BMPR1B: variants seen among roughly 807,000 people sequenced by gnomAD.
BMPR1B encodes bone morphogenetic protein receptor type 1B.
BMPR1B carries 12 observed loss-of-function variants against 59.1 expected under a neutral mutation model. The observed-to-expected ratio is 0.20, with a 90% CI of 0.13 to 0.33. The LOEUF is 0.33. Among genes scored for constraint, BMPR1B ranks in the 10% least tolerant of loss-of-function variants. The pLI is 1.00. For synonymous variants in BMPR1B, 237 were observed against 207.3 expected (o/e 1.14, Z -1.23); for missense variants, 550 against 610.9 (o/e 0.90, Z 1.05).
rs371268875 is a variant in BMPR1B, at chr4:94,934,453, G to GTTTTTTTTTTT, written c.-113+58561_-113+58571dup. Among the ~76,000 whole-genome samples, 26 of 115,278 alleles carry GTTTTTTTTTTT rather than the reference G, an allele frequency of 2.3e-4. 3 individuals are homozygous for GTTTTTTTTTTT. Among genetic ancestry groups the GTTTTTTTTTTT allele is most frequent in the African/African-American group, 4.6e-4 (13 of 28,194 alleles). The allele number at this position is 115,278 out of a possible 152,430, so 75.6% of individuals were successfully genotyped here. A position where few individuals can be genotyped will look rare whatever the true frequency, so the allele number is the denominator to read the frequency against. ...TCAGTGGGAACTTTTCCCAGCTATG[G>GTTTTTTTTTTT]TTTTTTTTTTTTTTTTTTCTCCTCC... On this transcript the variant is annotated intron_variant, in intron 2 of 12. Transcript: ENST00000515059.
intron 3 of BMPR1B, among the ~76,000 whole-genome samples, chr4:95,058,245 T>C (rs1030566690): frequency 3.9e-5 from 6 of 152,212 alleles, no homozygotes; most frequent in Non-Finnish European, 7.3e-5. Flanking sequence ...TCTGGGAACT[T>C]AATGTCTGAA....
chr4:95,140,093 T>C (rs1467886346), intron 10 of BMPR1B, among the ~76,000 whole-genome samples: 1 of 152,178 alleles, frequency 6.6e-6, no homozygotes, highest in Non-Finnish European at 1.5e-5. Context: ...TAGTCTCCGT[T>C]CTTATGTCTT....
chr4:95,022,988 A>G (rs1454021922), intron 3 of BMPR1B, among the ~76,000 whole-genome samples: 2 of 152,164 alleles, frequency 1.3e-5, no homozygotes, highest in Admixed American at 6.6e-5. Context: ...GCCATACTCT[A>G]AAGTTATAAC....
intron 3 of BMPR1B, among the ~76,000 whole-genome samples, chr4:95,069,685 A>C (rs1303452120): frequency 1.3e-5 from 2 of 152,132 alleles, no homozygotes; most frequent in Non-Finnish European, 1.5e-5. Flanking sequence ...GTGAGCTGTG[A>C]GGGCATGGAA....
chr4:95,071,005 A>G (rs992680836), intron 3 of BMPR1B, among the ~76,000 whole-genome samples: 3 of 152,156 alleles, frequency 2.0e-5, no homozygotes, highest in Non-Finnish European at 2.9e-5. Flanking sequence ...AGTATGTTCT[A>G]TACTAAAACA....
At chr4:94,971,726 C>T (rs1730799479) in intron 2 of BMPR1B, among the ~76,000 whole-genome samples, 1 of 151,674 alleles carries the variant, frequency 6.6e-6, no homozygotes, top group African/African-American at 2.4e-5. Flanking sequence ...CAAGATTAAT[C>T]TAAATTTTAT....
chr4:95,054,585 T>C (rs1330720256), intron 3 of BMPR1B, among the ~76,000 whole-genome samples: 4 of 152,202 alleles, frequency 2.6e-5, no homozygotes, highest in Non-Finnish European at 5.9e-5. Flanking sequence ...ATTGAGCTAC[T>C]TGTACTATCC....
intron 6 of BMPR1B, among the ~76,000 whole-genome samples, chr4:95,123,396 C>T (rs3796437): frequency 0.46 from 69,811 of 151,870 alleles, 17,702 homozygotes; most frequent in Admixed American, 0.59. Flanking sequence ...TATATAGATG[C>T]TTTTTTATTC....
At chr4:95,079,873 C>T (rs1381304382) in intron 3 of BMPR1B, among the ~76,000 whole-genome samples, 1 of 151,970 alleles carries the variant, frequency 6.6e-6, no homozygotes, top group Non-Finnish European at 1.5e-5. Flanking sequence ...ATTTGAGAAA[C>T]TTTTTCTTTT....
intron 1 of BMPR1B, among the ~76,000 whole-genome samples, chr4:94,783,347 C>T (rs1046027408): frequency 6.6e-6 from 1 of 152,162 alleles, no homozygotes. Context: ...AACTATCTGG[C>T]TTATAATATA....
At chr4:94,793,021 T>G (rs1238811597) in intron 1 of BMPR1B, among the ~76,000 whole-genome samples, 1 of 152,118 alleles carries the variant, frequency 6.6e-6, no homozygotes, top group Non-Finnish European at 1.5e-5. Flanking sequence ...TTTCTTTTTT[T>G]TTATTATTAT....
chr4:95,020,632 T>C (rs1190128536), intron 3 of BMPR1B, among the ~76,000 whole-genome samples: 1 of 151,604 alleles, frequency 6.6e-6, no homozygotes. Flanking sequence ...TTAATATTGC[T>C]GGGATTGAGA....
intron 1 of BMPR1B, among the ~76,000 whole-genome samples, chr4:94,850,009 G>C (rs971683563): frequency 6.6e-6 from 1 of 152,054 alleles, no homozygotes; most frequent in Non-Finnish European, 1.5e-5. Flanking sequence ...GATTGCCTCA[G>C]ACTTGCTTTT....
intron 1 of BMPR1B, among the ~76,000 whole-genome samples, chr4:94,864,577 A>G (rs896459138): frequency 6.6e-6 from 1 of 152,186 alleles, no homozygotes; most frequent in Non-Finnish European, 1.5e-5. Flanking sequence ...AGGGCCAAGT[A>G]CTTATTAAAA....
intron 3 of BMPR1B, among the ~76,000 whole-genome samples, chr4:95,010,964 T>C (rs1723182459): frequency 2.0e-5 from 3 of 152,240 alleles, no homozygotes; most frequent in African/African-American, 7.2e-5. Flanking sequence ...AAAGAAACTG[T>C]AAATAATTGT....
intron 1 of BMPR1B, among the ~76,000 whole-genome samples, chr4:94,873,096 G>T (rs1726567324): frequency 1.3e-5 from 2 of 151,912 alleles, no homozygotes; most frequent in Non-Finnish European, 2.9e-5. Flanking sequence ...AGACTTCCTG[G>T]GTCAGCATTG....
At chr4:95,105,508 A>G (rs1731139696) in intron 4 of BMPR1B, among the ~76,000 whole-genome samples, 1 of 152,190 alleles carries the variant, frequency 6.6e-6, no homozygotes, top group South Asian at 2.1e-4. Context: ...GCTTTTTAAA[A>G]AAGGTTTTTA....
At chr4:94,934,648 T>C (rs542038146) in intron 2 of BMPR1B, among the ~76,000 whole-genome samples, 1 of 152,176 alleles carries the variant, frequency 6.6e-6, no homozygotes, top group African/African-American at 2.4e-5. Flanking sequence ...TGGGCTATAC[T>C]TATGGAACTG....
intron 6 of BMPR1B, among the ~76,000 whole-genome samples, chr4:95,120,598 C>A (rs909479656): frequency 1.3e-5 from 2 of 149,366 alleles, no homozygotes; most frequent in African/African-American, 4.9e-5. Context: ...AAAAATCAGT[C>A]AATAGCCTGC....
Sources: allele counts gnomAD v4.1 joint callset (sites outside exome capture counted in the v4.1 genomes callset), GRCh38; gene constraint gnomAD v4.1.1; transcripts MANE v1.5; gene names NCBI Gene and HGNC (gene_info 2026-07-23, HGNC 2026-07-21).